The following DDX10 variants were observed in gnomAD, a reference collection of about 807,000 sequenced individuals.
DDX10 encodes DEAD-box helicase 10.
Under a neutral mutation model 104.3 loss-of-function variants are expected in DDX10, and 74 were observed. That is an observed-to-expected ratio of 0.71 (90% CI 0.59 to 0.86). The LOEUF is 0.86. DDX10 is among the 40% of genes least tolerant of loss of function. The pLI is 0.00. For synonymous variants in DDX10, 351 were observed against 353.4 expected, an observed-to-expected ratio of 0.99 and a Z score of 0.08; for missense variants, 952 against 1,040.0, an observed-to-expected ratio of 0.92 and a Z score of 1.16.
At chr11:108,847,833 G>A (rs1036782946) in intron 15 of DDX10, among the ~76,000 whole-genome samples, 5 of 152,194 alleles carry the variant, frequency 3.3e-5, no homozygotes, top group Non-Finnish European at 5.9e-5. Flanking sequence ...CAGTGAGCTA[G>A]CATCATTTTT....
rs766307322 is a variant in DDX10 at position 108,891,833 on chromosome 11, A to G, written c.2305-26040A>G. On this transcript the variant is annotated intron_variant, in intron 16 of 17. Coordinates refer to ENST00000322536, the MANE Select transcript of DDX10 (RefSeq NM_004398.4). ...GCATGGAGCCAGAATTCTCCAGAAC[A>G]CTTTGTGGGGAGGGCACCGGGAAGA... Among the ~76,000 whole-genome samples, 26 of 152,216 alleles carry G rather than the reference A, an allele frequency of 1.7e-4. No homozygotes were observed. The Middle Eastern group carries it at 0.01, about 60-fold the overall frequency.
At chr11:108,804,286 G>A (rs867102589) in intron 13 of DDX10, among the ~76,000 whole-genome samples, 2 of 151,952 alleles carry the variant, frequency 1.3e-5, no homozygotes, top group African/African-American at 4.8e-5. Context: ...TTGCTTGAGC[G>A]TAGGGGCTTG....
At chr11:108,866,608 T>C (rs1863010606) in intron 16 of DDX10, among the ~76,000 whole-genome samples, 1 of 152,182 alleles carries the variant, frequency 6.6e-6, no homozygotes, top group Admixed American at 6.5e-5. Flanking sequence ...AAACTTGGCA[T>C]ATATCATGTG....
chr11:108,680,592 C>G (rs1026319632), intron 6 of DDX10, among the ~76,000 whole-genome samples: 1 of 152,128 alleles, frequency 6.6e-6, no homozygotes, highest in Non-Finnish European at 1.5e-5. Context: ...CTGCAGACTT[C>G]CAGGAGAAAT....
At chr11:108,873,785 G>A (rs755393998) in intron 16 of DDX10, among the ~76,000 whole-genome samples, 1 of 152,100 alleles carries the variant, frequency 6.6e-6, no homozygotes, top group East Asian at 1.9e-4. Flanking sequence ...TGTTTTATTT[G>A]CAATACAAAG....
intron 11 of DDX10, among the ~76,000 whole-genome samples, chr11:108,716,804 A>G (rs991961904): frequency 6.6e-5 from 10 of 152,218 alleles, no homozygotes; most frequent in Admixed American, 3.9e-4. Flanking sequence ...TTGATAAATT[A>G]TATTTCTGGT....
At chr11:108,825,117 G>C (rs1862378406) in intron 13 of DDX10, among the ~76,000 whole-genome samples, 1 of 152,150 alleles carries the variant, frequency 6.6e-6, no homozygotes, top group African/African-American at 2.4e-5. Context: ...TGCAGGCACA[G>C]TGAAAGATTT....
In DDX10 at chr11:108,679,580, A is replaced by G; in HGVS notation, c.848+20A>G. ...ATATAGGTATGTACTCTTTGAGTCA[A>G]TCAAGATAAATGTTTTTTACTTTTT... On this transcript the variant is annotated intron_variant, in intron 6 of 17. Coordinates refer to ENST00000322536, the MANE Select transcript of DDX10 (RefSeq NM_004398.4). 1.3e-6 allele frequency: 2 copies of G among 1,512,790 alleles called. No individual in the cohort carries two copies. Among genetic ancestry groups the G allele is most frequent in the Non-Finnish European group, 8.9e-7 (1 of 1,124,474 alleles). 93.7% of individuals were successfully genotyped at this position (1,512,790 alleles called of 1,614,324 possible). A position where few individuals can be genotyped will look rare whatever the true frequency, so the allele number is the denominator to read the frequency against.
At chr11:108,837,607 C>CTTTGTTTTT (rs1862572623) in intron 13 of DDX10, among the ~76,000 whole-genome samples, 2 of 34,722 alleles carry the variant, frequency 5.8e-5, no homozygotes, top group African/African-American at 2.5e-4. Flanking sequence ...TTGGATACAG[C>CTTTGTTTTT]TTTTTTTTTT....
At chr11:108,679,795 C>T (rs571681795) in intron 6 of DDX10, among the ~76,000 whole-genome samples, 1 of 152,234 alleles carries the variant, frequency 6.6e-6, no homozygotes, top group South Asian at 2.1e-4. Flanking sequence ...AAATGTTTTT[C>T]CATAGATGTT....
chr11:108,876,314 TGAG>T (rs1451343461), intron 16 of DDX10, among the ~76,000 whole-genome samples: 1 of 152,140 alleles, frequency 6.6e-6, no homozygotes, highest in Non-Finnish European at 1.5e-5. Context: ...TGTCATCAAA[TGAG>T]GAGACAGAAG....
At chr11:108,918,332 C>G in intron 17 of DDX10, 1 of 352,888 alleles carries the variant, frequency 2.8e-6, no homozygotes, top group Non-Finnish European at 5.0e-6. Context: ...TCCTTTATGC[C>G]TAAGTATTTG....
intron 13 of DDX10, among the ~76,000 whole-genome samples, chr11:108,755,736 T>TA (rs1351256658): frequency 1.3e-5 from 2 of 152,004 alleles, no homozygotes; most frequent in Non-Finnish European, 2.9e-5. Context: ...GAGTAAAACT[T>TA]AGAGTTCAAA....
intron 1 of DDX10, among the ~76,000 whole-genome samples, chr11:108,671,779 T>G (rs1168249462): frequency 6.6e-6 from 1 of 152,188 alleles, no homozygotes; most frequent in Non-Finnish European, 1.5e-5. Context: ...TTTCTTCGTC[T>G]TCTTTTAAAG....
chr11:108,815,785 G>A (rs956228219), intron 13 of DDX10, among the ~76,000 whole-genome samples: 11 of 152,042 alleles, frequency 7.2e-5, no homozygotes, highest in African/African-American at 2.2e-4. Flanking sequence ...GTATTTTAAA[G>A]TAACCCATTA....
chr11:108,764,329 G>C (rs1361809411), intron 13 of DDX10, among the ~76,000 whole-genome samples: 2 of 152,084 alleles, frequency 1.3e-5, no homozygotes, highest in Non-Finnish European at 2.9e-5. Flanking sequence ...ATAGCATCTT[G>C]AGGTTATTTT....
intron 3 of DDX10, 129 bp downstream of exon 3, chr11:108,675,855 C>A: frequency 8.3e-7 from 1 of 1,197,862 alleles, no homozygotes; most frequent in Non-Finnish European, 1.2e-6. Context: ...ATGCGAGCTT[C>A]ATCAAACAGG....
chr11:108,900,499 C>CT (rs1363218916), intron 16 of DDX10, among the ~76,000 whole-genome samples: 1 of 152,208 alleles, frequency 6.6e-6, no homozygotes, highest in East Asian at 1.9e-4. Flanking sequence ...CTGTCACTGA[C>CT]TGAGTGCCTG....
intron 17 of DDX10, among the ~76,000 whole-genome samples, chr11:108,938,834 A>G (rs1213311203): frequency 6.6e-6 from 1 of 152,172 alleles, no homozygotes; most frequent in Non-Finnish European, 1.5e-5. Flanking sequence ...CTGGTCATAA[A>G]TGGATATGCT....
Sources: allele counts gnomAD v4.1 joint callset (sites outside exome capture counted in the v4.1 genomes callset), GRCh38; gene constraint gnomAD v4.1.1; transcripts MANE v1.5; gene names NCBI Gene and HGNC (gene_info 2026-07-23, HGNC 2026-07-21).